The following CBLN4 variants were observed in gnomAD, a reference collection of about 807,000 sequenced individuals.
The protein encoded by CBLN4 is cerebellin-4.
A neutral mutation model predicts 14.9 loss-of-function variants in CBLN4; 7 were observed. That is an observed-to-expected ratio of 0.47 (90% confidence interval 0.27 to 0.88). The LOEUF is 0.88. CBLN4 is among the 40% of genes least tolerant of loss of function. The pLI is 0.14. For missense variants in CBLN4, 188 were observed against 256.8 expected, an observed-to-expected ratio of 0.73 and a Z score of 1.83; for synonymous variants, 131 against 116.5, an observed-to-expected ratio of 1.12 and a Z score of -0.80.
intron 1 of CBLN4, among the ~76,000 whole-genome samples, chr20:56,003,396 G>A (rs1412840232): frequency 6.6e-6 from 1 of 152,234 alleles, no homozygotes; most frequent in Non-Finnish European, 1.5e-5. Flanking sequence ...TGAAGAGTGT[G>A]GAAGCCCGGG....
intron 1 of CBLN4, among the ~76,000 whole-genome samples, chr20:56,002,410 A>G (rs1270673833): frequency 6.6e-6 from 1 of 152,236 alleles, no homozygotes; most frequent in Admixed American, 6.5e-5. Context: ...TGTTGGCTAC[A>G]TATAAAACTG....
At chr20:56,000,922 A>T in intron 1 of CBLN4, 75 bp from the exon 2 acceptor site, 22 of 611,110 alleles carry the variant, frequency 3.6e-5, no homozygotes, top group Middle Eastern at 3.8e-4. Context: ...TCTTCCTCTC[A>T]CTCTCTTCCT....
chr20:55,998,347 T>A lies in CBLN4; in HGVS notation c.*210A>T. ...ACATTTAAGCATAGGTATTATCTGC[T>A]TAGAGTCCCAATCCAAATATACTGA... On this transcript the variant is annotated 3_prime_UTR_variant, in exon 3 of 3. Transcript: ENST00000064571. 1.7e-6 allele frequency: 1 copy of A among 587,994 alleles called. No individual in the cohort carries two copies. Among genetic ancestry groups the A allele is most frequent in the Non-Finnish European group, 3.0e-6 (1 of 334,742 alleles). 36.4% of individuals were successfully genotyped at this position (587,994 alleles called of 1,614,324 possible).
chr20:56,000,324 T>C (rs1267024784), intron 2 of CBLN4, among the ~76,000 whole-genome samples: 1 of 152,218 alleles, frequency 6.6e-6, no homozygotes, highest in Non-Finnish European at 1.5e-5. Context: ...TTTTAAAAAA[T>C]AGCAAATGTG....
chr20:56,003,025 A>C (rs1330269179), intron 1 of CBLN4, among the ~76,000 whole-genome samples: 2 of 152,164 alleles, frequency 1.3e-5, no homozygotes, highest in African/African-American at 4.8e-5. Context: ...GGGGTTTCTC[A>C]TCAAGCCAAA....
chr20:56,003,760 C>A, intron 1 of CBLN4, 121 bp downstream of exon 1: 2 of 1,011,734 alleles, frequency 2.0e-6, no homozygotes, highest in Non-Finnish European at 2.9e-6. Context: ...TTTGGGAAGG[C>A]GAGTGCTTTA....
chr20:55,999,992 T>C (rs183032486), intron 2 of CBLN4, among the ~76,000 whole-genome samples: 5 of 152,366 alleles, frequency 3.3e-5, no homozygotes, highest in African/African-American at 9.6e-5. Context: ...ATTGACATAA[T>C]GTATAACATA....
chr20:56,000,885 A>T, intron 1 of CBLN4, 38 bp from the exon 2 acceptor site: 5 of 1,076,072 alleles, frequency 4.6e-6, no homozygotes, highest in African/African-American at 1.7e-5. Context: ...AAGTTATTAT[A>T]TTTTCTTCTG....
At position 56,004,080 on chromosome 20, in the gene CBLN4, G is replaced by C; in HGVS notation, c.92C>G (p.Thr31Arg). Residue 31 changes from threonine (T) to arginine (R), a missense_variant, in exon 1 of 3, where the codon ACG (threonine) becomes AGG (arginine). By Grantham distance (71) the Thr-to-Arg change is moderately conservative. Coordinates refer to ENST00000064571, the MANE Select transcript of CBLN4 (RefSeq NM_080617.6). This position sits in a 1 kb window ranked among gnomAD's most constrained non-coding sequence, Gnocchi z 6.1. ...PGLPVWAQND[T>R]EPIVLEGKCL... is the part of the protein sequence containing the mutation. Reference sequence around the variant, plus strand: ...CTTGCCCTCCAGCACGATGGGCTCCGTGTCGTTCTGTGCCCAGACGGGCAG... The same window carrying C: ...CTTGCCCTCCAGCACGATGGGCTCCCTGTCGTTCTGTGCCCAGACGGGCAG... The C allele has an allele frequency of 1.2e-6, 2 of 1,612,868 alleles. No homozygotes were observed. The highest frequency in any genetic ancestry group is 1.7e-6 in the Non-Finnish European group (2 of 1,179,734).
At chr20:56,000,460 G>A (rs141830885) in intron 2 of CBLN4, among the ~76,000 whole-genome samples, 2 of 152,198 alleles carry the variant, frequency 1.3e-5, no homozygotes, top group Admixed American at 6.5e-5. Flanking sequence ...TTGTGTCACT[G>A]AATTTTTACT....
At position 56,002,612 on chromosome 20, in the gene CBLN4, T is replaced by C. The variant is rs190654286; in HGVS notation, c.291+1269A>G. On this transcript the variant is annotated intron_variant, in intron 1 of 2. Transcript: ENST00000064571. Reference sequence around the variant, plus strand: ...GTGCAATGCCCACAGTATTCCAACATTTAATTAAAGCATTGAAATACAAAC... The same window carrying C: ...GTGCAATGCCCACAGTATTCCAACACTTAATTAAAGCATTGAAATACAAAC... Among the ~76,000 whole-genome samples the C allele has an allele frequency of 9.3e-4, 142 of 152,356 alleles. 1 individual carries two copies. Among genetic ancestry groups the C allele is most frequent in the Non-Finnish European group, 1.7e-3 (114 of 68,036 alleles).
At position 56,003,062 on chromosome 20, in the gene CBLN4, A is replaced by G. The variant is rs755244428; in HGVS notation, c.291+819T>C. Among the ~76,000 whole-genome samples the G allele has an allele frequency of 1.0e-3, 155 of 152,330 alleles. 1 individual carries two copies. Among genetic ancestry groups the G allele is most frequent in the Middle Eastern group, 3.4e-3 (1 of 294 alleles). On this transcript the variant is annotated intron_variant, in intron 1 of 2. Transcript: ENST00000064571. ...ACGGAGCACCAGGTCGCTAAACAGC[A>G]GCTACAGCTTCCGTCAGCTCTTCCC... is the stretch of plus-strand genomic sequence containing the variant.
chr20:56,001,498 T>C (rs1186628657), intron 1 of CBLN4, among the ~76,000 whole-genome samples: 11 of 152,098 alleles, frequency 7.2e-5, no homozygotes, highest in African/African-American at 2.7e-4. Context: ...TCTCCTAAGA[T>C]CTGTTACCAT....
Position 56,003,883 on chromosome 20 carries a change from G to C in CBLN4, c.289C>G (p.Gln97Glu). The change falls in exon 1 of 3, where the codon CAG (glutamine) becomes GAG (glutamate). Residue 97 changes from glutamine to glutamate, a missense_variant and splice_region_variant. Around this residue, in one of 2 missense-constraint regions of CBLN4, gnomAD observed 93 missense variants for 157.7 expected, o/e 0.59. Transcript: ENST00000064571. ...SNKTRIIYFD[Q>E]ILVNVGNFFT... Reference sequence around the variant, plus strand: ...GCTCGCTTCCCCCCGGGTCTGACCTGATCGAAGTAAATGATGCGCGTCTTG... The same window carrying C: ...GCTCGCTTCCCCCCGGGTCTGACCTCATCGAAGTAAATGATGCGCGTCTTG... The C allele has an allele frequency of 6.2e-7, 1 of 1,608,436 alleles. No individual in the cohort carries two copies. The highest frequency in any genetic ancestry group is 8.5e-7 in the Non-Finnish European group (1 of 1,177,122).
chr20:56,003,915 A>C lies in CBLN4; in HGVS notation c.257T>G (p.Met86Arg). ...GTAAATGATGCGCGTCTTGTTGCTCATCTCGGATGGCTCGTGGTTGGTGCT... is the reference window on the plus strand; with the variant it reads ...GTAAATGATGCGCGTCTTGTTGCTCCTCTCGGATGGCTCGTGGTTGGTGCT... ...VRSTNHEPSEMSNKTRIIYFD... is the reference protein window; with the variant it reads ...VRSTNHEPSERSNKTRIIYFD... The change falls in exon 1 of 3, where the codon ATG (methionine) becomes AGG (arginine). Residue 86 changes from methionine (M) to arginine (R), a missense_variant. Physicochemically the swap from Met to Arg is moderately conservative, Grantham distance 91 (BLOSUM62 -1). Around this residue, in one of 2 missense-constraint regions of CBLN4, gnomAD observed 93 missense variants for 157.7 expected, o/e 0.59. Coordinates refer to ENST00000064571, the MANE Select transcript of CBLN4 (RefSeq NM_080617.6). 3 of 1,609,162 alleles carry C rather than the reference A, an allele frequency of 1.9e-6. No homozygotes were observed. The highest frequency in any genetic ancestry group is 1.4e-5 in the African/African-American group (1 of 73,606).
At position 56,004,145 on chromosome 20, in the gene CBLN4, G is replaced by C; in HGVS notation, c.27C>G (p.Ser9=). The part of the protein sequence containing the change: MGSGRRAL[S]AVPAVLLVLT... ...GGACCAGCAGCACGGCCGGCACCGCGGACAGCGCCCGGCGCCCGGAGCCCA... is the reference window on the plus strand; with the variant it reads ...GGACCAGCAGCACGGCCGGCACCGCCGACAGCGCCCGGCGCCCGGAGCCCA... Residue 9 remains serine, a synonymous_variant, in exon 1 of 3, where the codon TCC becomes TCG. Coordinates refer to ENST00000064571, the MANE Select transcript of CBLN4 (RefSeq NM_080617.6). This position sits in a 1 kb window ranked among gnomAD's most constrained non-coding sequence, Gnocchi z 6.1. 1 of 1,562,414 alleles carries C rather than the reference G, an allele frequency of 6.4e-7. No individual in the cohort carries two copies. Among genetic ancestry groups the C allele is most frequent in the East Asian group, 2.4e-5 (1 of 42,084 alleles).
chr20:56,001,243 C>T (rs1258343760), intron 1 of CBLN4, among the ~76,000 whole-genome samples: 1 of 152,226 alleles, frequency 6.6e-6, no homozygotes. Flanking sequence ...ATTAGCTTTA[C>T]CTTGAGAGTT....
chr20:55,999,995 A>G (rs1986342786), intron 2 of CBLN4, among the ~76,000 whole-genome samples: 1 of 152,270 alleles, frequency 6.6e-6, no homozygotes, highest in Non-Finnish European at 1.5e-5. Flanking sequence ...GACATAATGT[A>G]TAACATAAAT....
Position 56,005,491 on chromosome 20 carries a change from G to A in CBLN4, c.-1320C>T, listed in dbSNP as rs1986455208. 1 of 152,242 alleles carries A rather than the reference G, an allele frequency of 6.6e-6. No individual in the cohort carries two copies. The highest frequency in any genetic ancestry group is 1.5e-5 in the Non-Finnish European group (1 of 68,096). 9.4% of individuals were successfully genotyped at this position (152,242 alleles called of 1,614,324 possible). ...CCGCCCCACACAGCCCTGGGGCCTG[G>A]CGAGCTCAGGGAAGCCTTGGGGCGG... is the stretch of plus-strand genomic sequence containing the variant. On this transcript the variant is annotated 5_prime_UTR_variant, in exon 1 of 3. Transcript: ENST00000064571.
Sources: gnomAD v4.1 joint callset for allele counts (sites outside exome capture counted in the v4.1 genomes callset) on GRCh38, gnomAD v4.1.1 for gene constraint, gnomAD v4.1.1 regional missense constraint, Gnocchi (gnomAD v3.1) non-coding constraint, MANE v1.5 for transcripts, NCBI Gene and HGNC (gene_info 2026-07-23, HGNC 2026-07-21) for gene names.